Variants in CCDC178 observed in about 807,000 individuals in gnomAD.
CCDC178 encodes the protein coiled-coil domain containing 178, also known as coiled-coil domain-containing protein 178.
A neutral mutation model predicts 117.4 loss-of-function variants in CCDC178; 126 were observed. The ratio of observed to expected loss-of-function variants is 1.07; its 90% CI spans 0.93 to 1.24. The LOEUF (loss-of-function observed/expected upper bound fraction) is 1.24, where lower values mean the gene tolerates loss of function less well. Among genes scored for constraint, CCDC178 ranks in the 50% most tolerant of loss-of-function variants. The pLI, the probability that CCDC178 is intolerant of heterozygous loss-of-function variation, is 0.00. For synonymous variants in CCDC178, 283 were observed against 313.4 expected (o/e 0.90, Z 1.02); for missense variants, 1,030 against 986.9 (o/e 1.04, Z -0.59).
chr18:33,002,792 GA>G (rs1159437172), intron 21 of CCDC178, among the ~76,000 whole-genome samples: 1 of 150,760 alleles, frequency 6.6e-6, no homozygotes, highest in South Asian at 2.1e-4. Flanking sequence ...GCCAAACTGA[GA>G]AAAAAAAGAG....
At chr18:32,953,272 T>C (rs186812807) in intron 22 of CCDC178, among the ~76,000 whole-genome samples, 15 of 152,334 alleles carry the variant, frequency 9.8e-5, no homozygotes, top group African/African-American at 3.6e-4. Context: ...AACATCTCCA[T>C]CTGAGACCAT....
At chr18:33,316,183 G>C (rs2062412662) in intron 11 of CCDC178, among the ~76,000 whole-genome samples, 1 of 152,212 alleles carries the variant, frequency 6.6e-6, no homozygotes, top group East Asian at 1.9e-4. Flanking sequence ...TTTTGGGCTG[G>C]CCAAGGCCGG....
chr18:33,270,889 A>T (rs2059879848), intron 12 of CCDC178, among the ~76,000 whole-genome samples: 1 of 151,560 alleles, frequency 6.6e-6, no homozygotes, highest in Non-Finnish European at 1.5e-5. Context: ...AGACAATTGC[A>T]TAAAGCAGTA....
intron 2 of CCDC178, among the ~76,000 whole-genome samples, chr18:33,435,582 G>C (rs902889524): frequency 6.7e-6 from 1 of 148,722 alleles, no homozygotes; most frequent in African/African-American, 2.5e-5. Context: ...CAGAGAGAGA[G>C]AGGCAAGTGC....
chr18:33,431,191 CTTTTTT>C (rs35139388), intron 2 of CCDC178, among the ~76,000 whole-genome samples: 16 of 117,242 alleles, frequency 1.4e-4, no homozygotes, highest in Admixed American at 4.6e-4. Context: ...AATGATTTAA[CTTTTTT>C]TTTTTTTTTT....
intron 8 of CCDC178, among the ~76,000 whole-genome samples, chr18:33,347,064 A>G (rs1378037448): frequency 6.6e-6 from 1 of 152,142 alleles, no homozygotes; most frequent in African/African-American, 2.4e-5. Context: ...AAATGTGTAG[A>G]GCCCATTACG....
At chr18:33,120,194 AG>A (rs1373327102) in intron 20 of CCDC178, among the ~76,000 whole-genome samples, 1 of 145,716 alleles carries the variant, frequency 6.9e-6, no homozygotes, top group Non-Finnish European at 1.5e-5. Flanking sequence ...TAATAAAGAA[AG>A]AAAAAAAAAA....
At chr18:33,114,265 A>G (rs1426431329) in intron 20 of CCDC178, among the ~76,000 whole-genome samples, 1 of 152,030 alleles carries the variant, frequency 6.6e-6, no homozygotes, top group African/African-American at 2.4e-5. Flanking sequence ...ATGGAGGAAG[A>G]GGCCAGATGT....
intron 22 of CCDC178, chr18:32,953,967 T>G (rs974914809): frequency 1.3e-5 from 2 of 152,212 alleles, no homozygotes; most frequent in Admixed American, 6.5e-5. Flanking sequence ...TTCTTGATTT[T>G]TTTTCCCTAG....
At chr18:33,214,216 A>G (rs2059139345) in intron 19 of CCDC178, among the ~76,000 whole-genome samples, 1 of 152,062 alleles carries the variant, frequency 6.6e-6, no homozygotes, top group Admixed American at 6.6e-5. Context: ...GAATTGGATG[A>G]GACAAGGTAC....
intron 3 of CCDC178, among the ~76,000 whole-genome samples, chr18:33,402,863 G>T (rs746943511): frequency 6.6e-6 from 1 of 152,134 alleles, no homozygotes; most frequent in Non-Finnish European, 1.5e-5. Context: ...GCCATGCCTG[G>T]CTTCAAGGAA....
At chr18:33,019,046 T>C (rs973482297) in intron 21 of CCDC178, among the ~76,000 whole-genome samples, 2 of 152,152 alleles carry the variant, frequency 1.3e-5, no homozygotes. Context: ...AGGGAATTGT[T>C]AGGATAGGAA....
At chr18:33,421,846 C>G (rs1039343752) in intron 2 of CCDC178, among the ~76,000 whole-genome samples, 1 of 152,168 alleles carries the variant, frequency 6.6e-6, no homozygotes, top group African/African-American at 2.4e-5. Context: ...AGGAAAGGTA[C>G]TATTTTGTCT....
At chr18:33,400,341 G>A (rs1269489134) in intron 3 of CCDC178, among the ~76,000 whole-genome samples, 1 of 151,832 alleles carries the variant, frequency 6.6e-6, no homozygotes, top group Non-Finnish European at 1.5e-5. Context: ...GTCCTTTCAA[G>A]CTTTGAAACC....
chr18:33,128,745 A>G (rs1254962639), intron 20 of CCDC178, among the ~76,000 whole-genome samples: 1 of 152,214 alleles, frequency 6.6e-6, no homozygotes, highest in Non-Finnish European at 1.5e-5. Flanking sequence ...GAGAGAAATC[A>G]GTGACTAACA....
chr18:33,437,150 C>T (rs2064303464), intron 2 of CCDC178, among the ~76,000 whole-genome samples: 1 of 152,108 alleles, frequency 6.6e-6, no homozygotes, highest in Non-Finnish European at 1.5e-5. Context: ...TTCAGCCTCT[C>T]AAAGAATTTG....
intron 6 of CCDC178, among the ~76,000 whole-genome samples, chr18:33,361,018 A>C (rs1280556177): frequency 6.6e-6 from 1 of 151,700 alleles, no homozygotes; most frequent in Non-Finnish European, 1.5e-5. Flanking sequence ...GCCATAAAAA[A>C]ACACCAAAAG....
In CCDC178 at chr18:33,136,943, G is replaced by A. The variant is rs1045859668; in HGVS notation, c.2239-44033C>T. Among the ~76,000 whole-genome samples, 5 of 152,266 alleles carry A rather than the reference G, an allele frequency of 3.3e-5. No homozygotes were observed. In the South Asian group the frequency reaches 6.2e-4, roughly 19 times the overall value. On this transcript the variant is annotated intron_variant, in intron 20 of 22. Coordinates refer to ENST00000383096, the MANE Select transcript of CCDC178 (RefSeq NM_001105528.4). ...TGCCAAGCTATCTCTTAGGGGTTGAGGCCATAGTGGTGAGCAAGTGAACAA... is the reference window on the plus strand; with the variant it reads ...TGCCAAGCTATCTCTTAGGGGTTGAAGCCATAGTGGTGAGCAAGTGAACAA...
intron 15 of CCDC178, among the ~76,000 whole-genome samples, chr18:33,244,334 A>C (rs2144687232): frequency 6.6e-6 from 1 of 152,036 alleles, no homozygotes; most frequent in African/African-American, 2.4e-5. Flanking sequence ...GTGGCCCTGC[A>C]GGTGCAGTAA....
Sources: allele counts gnomAD v4.1 joint callset (sites outside exome capture counted in the v4.1 genomes callset), GRCh38; gene constraint gnomAD v4.1.1; transcripts MANE v1.5; gene names NCBI Gene and HGNC (gene_info 2026-07-23, HGNC 2026-07-21).